Variants in ERCC6L2 observed in about 807,000 individuals in gnomAD.
ERCC6L2 encodes the protein ERCC excision repair 6 like 2.
A neutral mutation model predicts 132.0 loss-of-function variants in ERCC6L2; 77 were observed. The ratio of observed to expected loss-of-function variants is 0.58; its 90% CI spans 0.49 to 0.71. The LOEUF (loss-of-function observed/expected upper bound fraction) is 0.71, where lower values mean the gene tolerates loss of function less well. Ranked by LOEUF, ERCC6L2 falls within the 30% of genes least tolerant of loss-of-function variation. The probability of loss-of-function intolerance (pLI) is 0.00; values close to 1 mark genes in which losing one functional copy is unlikely to be tolerated. For synonymous variants in ERCC6L2, 583 were observed against 632.4 expected (o/e 0.92, Z 1.17); for missense variants, 1,542 against 1,837.6 (o/e 0.84, Z 2.94).
chr9:95,954,302 T>C (rs1831491272), intron 12 of ERCC6L2, among the ~76,000 whole-genome samples: 1 of 152,216 alleles, frequency 6.6e-6, no homozygotes, highest in Non-Finnish European at 1.5e-5. Flanking sequence ...TTTTGTACTT[T>C]TTCATTAGGT....
Position 95,881,168 on chromosome 9 carries a change from C to T in ERCC6L2, c.346C>T (p.Pro116Ser). 1 of 1,613,590 alleles carries T rather than the reference C, an allele frequency of 6.2e-7. No homozygotes were observed. Among genetic ancestry groups the T allele is most frequent in the Non-Finnish European group, 8.5e-7 (1 of 1,179,844 alleles). ...FKLSDNGDSI[P>S]YTINRYLRDY... ...ATTATCTGACAATGGAGACTCTATT[C>T]CTTATACCATCAATAGGTATTTGAG... The change falls in exon 2 of 19, where the codon CCT (proline) becomes TCT (serine). Residue 116 changes from proline (P) to serine (S), a missense_variant. Transcript: ENST00000653738.
At chr9:96,020,999 G>A (rs555160954), downstream of ERCC6L2, 6 of 456,552 alleles carry the variant, frequency 1.3e-5, no homozygotes, top group South Asian at 9.3e-5. Flanking sequence ...CGGACTGTTG[G>A]ACCAAAAGTC....
At chr9:95,902,674 A>G (rs369980551) in intron 3 of ERCC6L2, among the ~76,000 whole-genome samples, 2 of 152,140 alleles carry the variant, frequency 1.3e-5, no homozygotes, top group Non-Finnish European at 2.9e-5. Context: ...CGAGTGATGT[A>G]TAAGAATGTC....
At chr9:96,009,006 G>A (rs1298558443) in intron 18 of ERCC6L2, among the ~76,000 whole-genome samples, 1 of 152,222 alleles carries the variant, frequency 6.6e-6, no homozygotes, top group East Asian at 1.9e-4. Context: ...ATGCACCATG[G>A]TGCTATTTTT....
In ERCC6L2 at chr9:95,916,354, C is replaced by G; in HGVS notation, c.1078C>G (p.Leu360Val). The stretch of plus-strand genomic sequence containing the variant: ...CACTGGCCGAAAGGCCATGCAAAGA[C>G]TTGCCAAAAAGATGTCTGGCTGGTT... ...LATGRKAMQR[L>V]AKKMSGWFLR... The change falls in exon 6 of 19, where the codon CTT (leucine) becomes GTT (valine). Residue 360 changes from leucine (L) to valine (V), a missense_variant. By Grantham distance (32) the Leu-to-Val change is conservative. Transcript: ENST00000653738. 6.2e-7 allele frequency: 1 copy of G among 1,611,394 alleles called. No homozygotes were observed. The highest frequency in any genetic ancestry group is 8.5e-7 in the Non-Finnish European group (1 of 1,179,350).
rs769611647 is a variant in ERCC6L2 at position 95,876,049 on chromosome 9, C to T, written c.11C>T (p.Ser4Leu). The T allele has an allele frequency of 1.3e-5, 20 of 1,588,180 alleles. No individual in the cohort carries two copies. Among genetic ancestry groups the T allele is most frequent in the Admixed American group, 3.5e-5 (2 of 57,054 alleles). The part of the protein sequence containing the change: MDP[S>L]APQPRAETSG... ...CCTCCCCCTGGCCGGATGGATCCGT[C>T]GGCGCCACAGCCCCGCGCGGAAACC... Residue 4 changes from serine to leucine, a missense_variant, in exon 1 of 19, where the codon TCG becomes TTG. Ser to Leu is a moderately radical substitution (Grantham distance 145). This residue lies in a region of ERCC6L2 where 153 missense variants were observed against 132.3 expected (regional missense o/e 1.16). Coordinates refer to ENST00000653738, the MANE Select transcript of ERCC6L2 (RefSeq NM_020207.7).
rs918601723 is a variant in ERCC6L2, at chr9:95,947,089, C to T, written c.1847+5540C>T. Reference sequence around the variant, plus strand: ...GAGTTGCATGTCTCTCACTTTACATCGAAAGCTAAAAATGATTAAGCTTAG... The same window carrying T: ...GAGTTGCATGTCTCTCACTTTACATTGAAAGCTAAAAATGATTAAGCTTAG... On this transcript the variant is annotated intron_variant, in intron 12 of 18. Transcript: ENST00000653738. Among the ~76,000 whole-genome samples, 9 of 152,070 alleles carry T rather than the reference C, an allele frequency of 5.9e-5. No homozygotes were observed. The East Asian group carries it at 7.7e-4, about 13-fold the overall frequency.
intron 9 of ERCC6L2, among the ~76,000 whole-genome samples, chr9:95,923,858 C>T (rs1204805990): frequency 6.6e-6 from 1 of 152,110 alleles, no homozygotes; most frequent in Non-Finnish European, 1.5e-5. Context: ...AGAACTAGAT[C>T]GTAAAGTTGC....
intron 17 of ERCC6L2, among the ~76,000 whole-genome samples, chr9:95,993,718 C>T (rs1268003442): frequency 2.0e-5 from 3 of 152,094 alleles, no homozygotes; most frequent in Non-Finnish European, 4.4e-5. Flanking sequence ...TAAAGTTGTC[C>T]TTATGTGGCT....
chr9:95,950,702 T>C (rs1194330527), intron 12 of ERCC6L2, among the ~76,000 whole-genome samples: 2 of 152,186 alleles, frequency 1.3e-5, no homozygotes, highest in African/African-American at 4.8e-5. Flanking sequence ...GTATTAATGT[T>C]AGACAAAATA....
At chr9:95,915,520 TAA>T in intron 4 of ERCC6L2, 146 bp from the exon 5 acceptor site, 1 of 749,204 alleles carries the variant, frequency 1.3e-6, no homozygotes, top group East Asian at 2.5e-5. Context: ...ACCATTTAAC[TAA>T]GTGGGTAAGA....
At chr9:95,963,572 T>A (rs1312074172) in intron 13 of ERCC6L2, among the ~76,000 whole-genome samples, 2 of 152,064 alleles carry the variant, frequency 1.3e-5, no homozygotes, top group Admixed American at 1.3e-4. Context: ...ATGAAGAAAT[T>A]AACTTTGATA....
At chr9:95,963,046 T>C (rs1450485679) in intron 13 of ERCC6L2, among the ~76,000 whole-genome samples, 21 of 152,190 alleles carry the variant, frequency 1.4e-4, no homozygotes. Context: ...AGATATTTTA[T>C]ACATTTTAAA....
chr9:95,878,747 A>G (rs887961592), intron 1 of ERCC6L2, among the ~76,000 whole-genome samples: 11 of 150,988 alleles, frequency 7.3e-5, no homozygotes, highest in African/African-American at 2.7e-4. Context: ...ATGAGTGAGA[A>G]TCTGCGGTGT....
chr9:95,990,044 A>G (rs992964160), intron 17 of ERCC6L2, among the ~76,000 whole-genome samples: 1 of 152,228 alleles, frequency 6.6e-6, no homozygotes. Context: ...GGGGTTAAGA[A>G]CAAGTCATGA....
chr9:95,965,886 T>C (rs1335474283), intron 13 of ERCC6L2, among the ~76,000 whole-genome samples: 5 of 152,214 alleles, frequency 3.3e-5, no homozygotes, highest in Non-Finnish European at 7.4e-5. Context: ...CTTTGTTTCT[T>C]TCAAGGAATT....
rs10988831 is a variant in ERCC6L2 at position 95,964,058 on chromosome 9, C to T, written c.1948-2504C>T. ...CTGCCAGTTCCTCATCAGACCTGCACGCATAACCCTTAGTGTTCATTCGTG... is the reference window on the plus strand; with the variant it reads ...CTGCCAGTTCCTCATCAGACCTGCATGCATAACCCTTAGTGTTCATTCGTG... On this transcript the variant is annotated intron_variant, in intron 13 of 18. Transcript: ENST00000653738. 9.5e-3 allele frequency among the ~76,000 whole-genome samples: 1,440 copies of T among 152,230 alleles called. 29 individuals are homozygous for T. The highest frequency in any genetic ancestry group is 0.033 in the African/African-American group (1,368 of 41,518).
intron 19 of ERCC6L2, among the ~76,000 whole-genome samples, chr9:96,030,559 G>A (rs767697221): frequency 2.6e-5 from 4 of 152,002 alleles, no homozygotes; most frequent in South Asian, 2.1e-4. Context: ...AAAATTAGCC[G>A]GGCGTGGTGG....
intron 4 of ERCC6L2, 33 bp downstream of exon 4, chr9:95,907,304 A>T: frequency 7.6e-7 from 1 of 1,307,200 alleles, no homozygotes; most frequent in Non-Finnish European, 1.1e-6. Context: ...GAATGATTGT[A>T]TTAATAGTCT....
Sources: gnomAD v4.1 joint callset for allele counts (sites outside exome capture counted in the v4.1 genomes callset) on GRCh38, gnomAD v4.1.1 for gene constraint, gnomAD v4.1.1 regional missense constraint, MANE v1.5 for transcripts, NCBI Gene and HGNC (gene_info 2026-07-23, HGNC 2026-07-21) for gene names.